NOD1: variants seen among roughly 807,000 people sequenced by gnomAD.
NOD1 encodes nucleotide binding oligomerization domain containing 1, also known as nucleotide-binding oligomerization domain-containing protein 1.
Under a neutral mutation model 81.2 loss-of-function variants are expected in NOD1, and 70 were observed. The observed-to-expected ratio is 0.86, with a 90% confidence interval of 0.71 to 1.05. NOD1 has a LOEUF of 1.05. Ranked by LOEUF, NOD1 falls within the 50% of genes least tolerant of loss-of-function variation. The probability of loss-of-function intolerance (pLI) is 0.00; values close to 1 mark genes in which losing one functional copy is unlikely to be tolerated. For missense variants in NOD1, 1,233 were observed against 1,228.0 expected, an observed-to-expected ratio of 1.00 and a Z score of -0.06; for synonymous variants, 508 against 526.9, an observed-to-expected ratio of 0.96 and a Z score of 0.49.
chr7:30,448,313 A>G lies in NOD1; in HGVS notation c.2270T>C (p.Ile757Thr), dbSNP rs1161181201. 1 of 1,613,872 alleles carries G rather than the reference A, an allele frequency of 6.2e-7. No individual in the cohort carries two copies. Among genetic ancestry groups the G allele is most frequent in the South Asian group, 1.1e-5 (1 of 91,086 alleles). ...VLSEELTKYK[I>T]VTYLGLYNNQ... ...AAAGACATACCCCAAATAGGTCACA[A>G]TTTTGTATTTGGTCAGCTCTTCGCT... The change falls in exon 7 of 14, where the codon ATT becomes ACT. Residue 757 changes from isoleucine to threonine, a missense_variant. Ile to Thr is a moderately conservative substitution (Grantham distance 89, BLOSUM62 -1). Coordinates refer to ENST00000222823, the MANE Select transcript of NOD1 (RefSeq NM_006092.4).
chr7:30,448,677 C>T (rs1053720150), intron 6 of NOD1, among the ~76,000 whole-genome samples: 2 of 152,196 alleles, frequency 1.3e-5, no homozygotes, highest in African/African-American at 4.8e-5. Flanking sequence ...TGACATCCAC[C>T]CTTTGCGTGT....
chr7:30,477,678 T>C (rs1377769689), intron 1 of NOD1, among the ~76,000 whole-genome samples: 2 of 139,176 alleles, frequency 1.4e-5, no homozygotes, highest in Non-Finnish European at 3.0e-5. Context: ...CCACGCCCGG[T>C]TAATTTTTTT....
chr7:30,432,998 ATACTT>A, intron 12 of NOD1, 93 bp downstream of exon 12: 2 of 894,296 alleles, frequency 2.2e-6, no homozygotes, highest in East Asian at 2.6e-5. Context: ...TCTGAATTGT[ATACTT>A]TAAGAGAGTG....
intron 12 of NOD1, among the ~76,000 whole-genome samples, chr7:30,429,799 AG>A (rs1442211988): frequency 6.6e-6 from 1 of 152,190 alleles, no homozygotes; most frequent in African/African-American, 2.4e-5. Context: ...TGGGAGGCCG[AG>A]GTGGGTGGAT....
At chr7:30,439,702 CT>C (rs1467307850) in intron 9 of NOD1, among the ~76,000 whole-genome samples, 1 of 101,156 alleles carries the variant, frequency 9.9e-6, no homozygotes, top group African/African-American at 4.6e-5. Flanking sequence ...ATAGCCCAGG[CT>C]TGCTTAGGTA....
rs1785795969 is a variant in NOD1 at position 30,452,098 on chromosome 7, C to A, written c.1319G>T (p.Ser440Ile). The change falls in exon 6 of 14, where the codon AGC becomes ATC. Residue 440 changes from serine (S) to isoleucine (I), a missense_variant. By Grantham distance (142) the Ser-to-Ile change is moderately radical (BLOSUM62 -2). Transcript: ENST00000222823. Reference protein sequence around the residue: ...EVHLNRMQPSSLVQRNTRSPV... With the variant: ...EVHLNRMQPSILVQRNTRSPV... ...GCTGCGTGTGTTCCGCTGCACCAGG[C>A]TGCTGGGCTGCATCCTGTTCAGATG... 6 of 1,613,866 alleles carry A rather than the reference C, an allele frequency of 3.7e-6. No homozygotes were observed. Among genetic ancestry groups the A allele is most frequent in the Non-Finnish European group, 5.1e-6 (6 of 1,180,028 alleles).
chr7:30,447,196 G>T lies in NOD1; in HGVS notation c.2286-146C>A, dbSNP rs778140023. 6 of 1,368,682 alleles carry T rather than the reference G, an allele frequency of 4.4e-6. No homozygotes were observed. The African/African-American group carries it at 8.6e-5, about 20-fold the overall frequency. The allele number at this position is 1,368,682 out of a possible 1,614,324, so 84.8% of individuals were successfully genotyped here. A position where few individuals can be genotyped will look rare whatever the true frequency, so the allele number is the denominator to read the frequency against. On this transcript the variant is annotated intron_variant, in intron 7 of 13. Coordinates refer to ENST00000222823, the MANE Select transcript of NOD1 (RefSeq NM_006092.4). Reference sequence around the variant, plus strand: ...AGGCACCAGAGTTTAGGGCTCTGAGGTCTCACAGCTCAGGTTCAAAACCAG... The same window carrying T: ...AGGCACCAGAGTTTAGGGCTCTGAGTTCTCACAGCTCAGGTTCAAAACCAG...
At chr7:30,432,401 C>A (rs1242058967) in intron 12 of NOD1, among the ~76,000 whole-genome samples, 1 of 152,198 alleles carries the variant, frequency 6.6e-6, no homozygotes, top group East Asian at 1.9e-4. Context: ...AATATTACTT[C>A]ACATCCACTA....
Position 30,435,952 on chromosome 7 carries a change from T to C in NOD1, c.2621+46A>G, listed in dbSNP as rs1404663878. On this transcript the variant is annotated intron_variant, in intron 11 of 13. Coordinates refer to ENST00000222823, the MANE Select transcript of NOD1 (RefSeq NM_006092.4). ...AAGCCTGGACGACAAAGCAAGACCC[T>C]ATCACAGAAAAACAAACAAACAAAT... 4.7e-6 allele frequency: 7 copies of C among 1,497,834 alleles called. No individual in the cohort carries two copies. The African/African-American group carries it at 6.9e-5, about 15-fold the overall frequency. The allele number at this position is 1,497,834 out of a possible 1,614,324, so 92.8% of individuals were successfully genotyped here. A position where few individuals can be genotyped will look rare whatever the true frequency, so the allele number is the denominator to read the frequency against.
chr7:30,478,346 G>C lies in NOD1; in HGVS notation c.-352+260C>G, dbSNP rs1383269651. 6.6e-6 allele frequency among the ~76,000 whole-genome samples: 1 copy of C among 152,222 alleles called. No homozygotes were observed. The highest frequency in any genetic ancestry group is 1.5e-5 in the Non-Finnish European group (1 of 68,038). On this transcript the variant is annotated intron_variant, in intron 1 of 13. Coordinates refer to ENST00000222823, the MANE Select transcript of NOD1 (RefSeq NM_006092.4). This position sits in a 1 kb window ranked among gnomAD's most constrained non-coding sequence, Gnocchi z 4.1. Reference sequence around the variant, plus strand: ...TTAAAAGCTCCCCAGGTGGTTCTAAGCTGCTGGCACGATTGAGAACCCCTG... The same window carrying C: ...TTAAAAGCTCCCCAGGTGGTTCTAACCTGCTGGCACGATTGAGAACCCCTG...
intron 8 of NOD1, 60 bp downstream of exon 8, chr7:30,446,906 GA>G: frequency 7.6e-7 from 1 of 1,319,432 alleles, no homozygotes; most frequent in Non-Finnish European, 1.1e-6. Flanking sequence ...TTTAATCTTT[GA>G]ACAACAGAAG....
chr7:30,446,193 C>T lies in NOD1; in HGVS notation c.2401G>A (p.Gly801Arg), dbSNP rs1554306829. 2 of 1,614,190 alleles carry T rather than the reference C, an allele frequency of 1.2e-6. No individual in the cohort carries two copies. Among genetic ancestry groups the T allele is most frequent in the South Asian group, 2.2e-5 (2 of 91,086 alleles). ...LGKNKITSEGGKYLALAVKNS... is the reference protein window; with the variant it reads ...LGKNKITSEGRKYLALAVKNS... ...TTCACAGCCAGGGCGAGATACTTCC[C>T]TCCTTCACTTGTTATTTTGTTTTTT... Residue 801 changes from glycine to arginine, a missense_variant, in exon 9 of 14, where the codon GGG becomes AGG. Gly to Arg is a moderately radical substitution (Grantham distance 125). Coordinates refer to ENST00000222823, the MANE Select transcript of NOD1 (RefSeq NM_006092.4).
At chr7:30,447,638 C>T (rs1252912260) in intron 7 of NOD1, 1 of 156,072 alleles carries the variant, frequency 6.4e-6, no homozygotes, top group Non-Finnish European at 1.4e-5. Context: ...TCGAAGGCCA[C>T]TGAGGCCCCA....
At chr7:30,450,248 G>A (rs920855984) in intron 6 of NOD1, among the ~76,000 whole-genome samples, 4 of 151,984 alleles carry the variant, frequency 2.6e-5, no homozygotes, top group African/African-American at 9.7e-5. Flanking sequence ...GACTGCCTGG[G>A]GCTACAGAGG....
intron 11 of NOD1, among the ~76,000 whole-genome samples, chr7:30,433,811 T>A (rs116547908): frequency 0.019 from 2,806 of 148,792 alleles, 77 homozygotes; most frequent in African/African-American, 0.064. Context: ...AAAGAACATT[T>A]AAAAAAAAAA....
At chr7:30,476,116 CAAT>C (rs950553183) in intron 1 of NOD1, 2 of 152,252 alleles carry the variant, frequency 1.3e-5, no homozygotes, top group African/African-American at 4.8e-5. Context: ...AAAATCCCCC[CAAT>C]AATAAGAATG....
chr7:30,431,363 AAAG>A (rs1465846169), intron 12 of NOD1, among the ~76,000 whole-genome samples: 2 of 152,258 alleles, frequency 1.3e-5, no homozygotes, highest in African/African-American at 2.4e-5. Flanking sequence ...CAATCTTGAG[AAAG>A]AAGAACAAAG....
intron 4 of NOD1, 43 bp downstream of exon 4, chr7:30,456,678 C>T (rs770896145): frequency 6.4e-6 from 10 of 1,557,996 alleles, no homozygotes; most frequent in African/African-American, 3.0e-5. Flanking sequence ...TTCTAGCTCC[C>T]GGGGTCCACA....
intron 1 of NOD1, among the ~76,000 whole-genome samples, chr7:30,476,293 C>T (rs150342925): frequency 6.6e-6 from 1 of 152,160 alleles, no homozygotes; most frequent in Non-Finnish European, 1.5e-5. Context: ...ATCTTTATGC[C>T]TATATTACTT....
Sources: allele counts gnomAD v4.1 joint callset (sites outside exome capture counted in the v4.1 genomes callset), GRCh38; gene constraint gnomAD v4.1.1; non-coding constraint Gnocchi (gnomAD v3.1); transcripts MANE v1.5; gene names NCBI Gene and HGNC (gene_info 2026-07-23, HGNC 2026-07-21).